The following POLA1 variants were observed in gnomAD, a reference collection of about 807,000 sequenced individuals.
POLA1 encodes the protein DNA polymerase alpha 1, catalytic subunit, also known as DNA polymerase alpha catalytic subunit.
In POLA1, 15 loss-of-function variants were observed where a neutral mutation model predicts 124.0. The ratio of observed to expected loss-of-function variants is 0.12; its 90% CI spans 0.08 to 0.19. The LOEUF is 0.19. Among genes scored for constraint, POLA1 ranks in the 10% least tolerant of loss-of-function variants. The pLI is 1.00. For synonymous variants in POLA1, 408 were observed against 389.4 expected (o/e 1.05, Z -0.56); for missense variants, 886 against 1,103.4 (o/e 0.80, Z 2.79).
At chrX:24,906,113 A>C (rs764183791) in intron 35 of POLA1, among the ~76,000 whole-genome samples, 1 of 112,104 alleles carries the variant, frequency 8.9e-6, no homozygotes, top group Non-Finnish European at 1.9e-5. Flanking sequence ...TCCTTAAAGA[A>C]CTAAAAGTAT....
intron 6 of POLA1, 55 bp downstream of exon 6, chrX:24,715,258 ACT>A: frequency 1.3e-6 from 1 of 753,330 alleles, no homozygotes. Context: ...CTGAAGAAAC[ACT>A]CTAGTAATTA....
At chrX:24,983,283 A>G (rs775810311) in intron 36 of POLA1, among the ~76,000 whole-genome samples, 3 of 112,084 alleles carry the variant, frequency 2.7e-5, no homozygotes, top group Non-Finnish European at 5.6e-5. Flanking sequence ...CTATGGGTAC[A>G]TCGAATTGTA....
chrX:24,902,001 CGT>C (rs768917525), intron 35 of POLA1, among the ~76,000 whole-genome samples: 23 of 108,281 alleles, frequency 2.1e-4, no homozygotes, highest in East Asian at 5.8e-4. Flanking sequence ...CGTGCATGTG[CGT>C]GCACACACAC....
chrX:24,981,778 C>T (rs1383530040), intron 36 of POLA1, among the ~76,000 whole-genome samples: 1 of 111,904 alleles, frequency 8.9e-6, no homozygotes, highest in Non-Finnish European at 1.9e-5. Flanking sequence ...GTAAATAAAA[C>T]GGGGAAGACA....
At chrX:24,726,424 C>T (rs1439816119) in intron 13 of POLA1, among the ~76,000 whole-genome samples, 2 of 112,100 alleles carry the variant, frequency 1.8e-5, no homozygotes, top group Non-Finnish European at 3.8e-5. Flanking sequence ...TAGTGCTGCT[C>T]TTGCTCCTGT....
chrX:24,855,293 A>G (rs923290849), intron 34 of POLA1, among the ~76,000 whole-genome samples: 3 of 111,621 alleles, frequency 2.7e-5, no homozygotes, highest in African/African-American at 9.8e-5. Context: ...TTATTTTTAA[A>G]TTTATATTCA....
chrX:24,862,814 A>G (rs924970390), intron 34 of POLA1, among the ~76,000 whole-genome samples: 5 of 112,420 alleles, frequency 4.4e-5, no homozygotes, highest in African/African-American at 1.3e-4. Context: ...CTGTCAAGCA[A>G]ATTTTAATGG....
At chrX:24,730,041 C>T (rs1310159397) in intron 15 of POLA1, among the ~76,000 whole-genome samples, 1 of 111,027 alleles carries the variant, frequency 9.0e-6, no homozygotes, top group East Asian at 2.8e-4. Flanking sequence ...AAGTGATCTG[C>T]CCACCCCAGC....
chrX:24,925,740 CGTTTGTTTGTTTGTTT>C (rs550764725), intron 35 of POLA1, among the ~76,000 whole-genome samples: 1 of 111,149 alleles, frequency 9.0e-6, no homozygotes, highest in Non-Finnish European at 1.9e-5. Context: ...AGCATCATTC[CGTTTGTTTGTTTGTTT>C]GTTTGTTTGT....
Position 24,867,527 on chromosome X carries a change from C to T in POLA1, c.4048-20479C>T, listed in dbSNP as rs763626045. On this transcript the variant is annotated intron_variant, in intron 34 of 36. Coordinates refer to ENST00000379068, the MANE Select transcript of POLA1 (RefSeq NM_001330360.2). ...ATGTAAGCTAGTTTTCTACTTGAAACGTCTTTTTGTATTTTTAAATACATG... is the reference window on the plus strand; with the variant it reads ...ATGTAAGCTAGTTTTCTACTTGAAATGTCTTTTTGTATTTTTAAATACATG... Among the ~76,000 whole-genome samples the T allele has an allele frequency of 1.7e-4, 19 of 111,530 alleles. No homozygotes were observed. The East Asian group carries it at 4.2e-3, about 24-fold the overall frequency.
At chrX:24,900,667 G>T (rs964264847) in intron 35 of POLA1, among the ~76,000 whole-genome samples, 3 of 111,846 alleles carry the variant, frequency 2.7e-5, no homozygotes, top group African/African-American at 9.7e-5. Context: ...TGCCGAATGT[G>T]CGCAGGCCCT....
chrX:24,925,866 C>T (rs1403389867), intron 35 of POLA1, among the ~76,000 whole-genome samples: 2 of 110,962 alleles, frequency 1.8e-5, no homozygotes, highest in African/African-American at 6.6e-5. Flanking sequence ...AGCGTTTCTG[C>T]TGCCTCCGGA....
At chrX:24,780,855 T>A (rs1048850266) in intron 26 of POLA1, among the ~76,000 whole-genome samples, 2 of 112,124 alleles carry the variant, frequency 1.8e-5, no homozygotes, top group African/African-American at 6.5e-5. Context: ...CCTCTTCCAT[T>A]TTCTGGGAGA....
intron 26 of POLA1, among the ~76,000 whole-genome samples, chrX:24,784,423 T>A (rs1174290577): frequency 1.8e-5 from 2 of 111,252 alleles, no homozygotes; most frequent in Admixed American, 9.6e-5. Context: ...ATATACTTTT[T>A]AAAAATATAC....
intron 35 of POLA1, among the ~76,000 whole-genome samples, chrX:24,920,254 A>G (rs141191928): frequency 0.026 from 2,906 of 111,690 alleles, 94 homozygotes; most frequent in African/African-American, 0.088. Flanking sequence ...TTGACACATT[A>G]GACGTTGGGT....
At position 24,877,905 on chromosome X, in the gene POLA1, G is replaced by GTTTTTTTTTGT. The variant is rs2046954543; in HGVS notation, c.4048-10091_4048-10081dup. Among the ~76,000 whole-genome samples the GTTTTTTTTTGT allele has an allele frequency of 1.2e-4, 3 of 24,027 alleles. No homozygotes were observed. In the East Asian group the frequency reaches 6.1e-3, roughly 49 times the overall value. The allele number at this position is 24,027 out of a possible 115,157, so 20.9% of individuals were successfully genotyped here. A position where few individuals can be genotyped will look rare whatever the true frequency, so the allele number is the denominator to read the frequency against. Reference sequence around the variant, plus strand: ...AGGGAGTGAATTTTGGAGGGAGGGAGTTTTTTTTTGTTTTTTTTTTTGTTT... The same window carrying GTTTTTTTTTGT: ...AGGGAGTGAATTTTGGAGGGAGGGAGTTTTTTTTTGTTTTTTTTTTGTTTTTTTTTTTGTTT... On this transcript the variant is annotated intron_variant, in intron 34 of 36. Transcript: ENST00000379068.
chrX:24,818,324 C>A (rs2046027492), intron 30 of POLA1, among the ~76,000 whole-genome samples: 1 of 110,813 alleles, frequency 9.0e-6, no homozygotes, highest in African/African-American at 3.3e-5. Context: ...GAAGAATAAT[C>A]CATTGAAGAA....
chrX:24,982,424 C>T (rs779401078), intron 36 of POLA1, among the ~76,000 whole-genome samples: 1 of 109,718 alleles, frequency 9.1e-6, no homozygotes, highest in African/African-American at 3.3e-5. Flanking sequence ...CTGTGACTGA[C>T]CAGCTCTCTA....
chrX:24,842,181 A>G (rs1451082544), intron 33 of POLA1, among the ~76,000 whole-genome samples: 1 of 111,832 alleles, frequency 8.9e-6, no homozygotes, highest in East Asian at 2.8e-4. Context: ...TAAGACTTAG[A>G]CCAATATTTT....
Sources: allele counts gnomAD v4.1 joint callset (sites outside exome capture counted in the v4.1 genomes callset), GRCh38; gene constraint gnomAD v4.1.1; transcripts MANE v1.5; gene names NCBI Gene and HGNC (gene_info 2026-07-23, HGNC 2026-07-21).